IGF1R: variants seen among roughly 807,000 people sequenced by gnomAD.
IGF1R encodes insulin-like growth factor 1 receptor.
In IGF1R, 44 loss-of-function variants were observed where a neutral mutation model predicts 144.6. That is an observed-to-expected ratio of 0.30 (90% CI 0.24 to 0.39). The LOEUF (loss-of-function observed/expected upper bound fraction) is 0.39. IGF1R is among the 10% of genes least tolerant of loss of function. The probability of loss-of-function intolerance (pLI) is 1.00; values close to 1 mark genes in which losing one functional copy is unlikely to be tolerated. For synonymous variants in IGF1R, 795 were observed against 722.8 expected (o/e 1.10, Z -1.60); for missense variants, 1,355 against 1,833.7 (o/e 0.74, Z 4.77).
intron 2 of IGF1R, among the ~76,000 whole-genome samples, chr15:98,862,648 A>G (rs1197549695): frequency 6.6e-6 from 1 of 152,194 alleles, no homozygotes; most frequent in Admixed American, 6.5e-5. Flanking sequence ...AAGGAATGCA[A>G]AGTTAAGTGT....
rs967758699 is a variant in IGF1R, at chr15:98,697,359, G to C, written c.95-10203G>C. ...CTCTTGCCCACTCAATACAGAGGTT[G>C]CATGCGGGCGTCCACCTGCTCCGCC... is the stretch of plus-strand genomic sequence containing the variant. On this transcript the variant is annotated intron_variant, in intron 1 of 20. Transcript: ENST00000650285. Among the ~76,000 whole-genome samples the C allele has an allele frequency of 6.6e-5, 10 of 152,352 alleles. No homozygotes were observed. The East Asian group carries it at 1.4e-3, about 21-fold the overall frequency.
At chr15:98,847,522 C>T (rs2011379328) in intron 2 of IGF1R, among the ~76,000 whole-genome samples, 1 of 152,154 alleles carries the variant, frequency 6.6e-6, no homozygotes, top group Non-Finnish European at 1.5e-5. Context: ...TCCTTGTACC[C>T]ACCACCTAGA....
intron 19 of IGF1R, among the ~76,000 whole-genome samples, chr15:98,945,554 A>T (rs1325688830): frequency 6.6e-6 from 1 of 152,210 alleles, no homozygotes; most frequent in East Asian, 1.9e-4. Flanking sequence ...ATATGAAGTC[A>T]TGAAGAGCCA....
chr15:98,722,526 C>G (rs2054269187), intron 2 of IGF1R, among the ~76,000 whole-genome samples: 1 of 152,160 alleles, frequency 6.6e-6, no homozygotes, highest in Non-Finnish European at 1.5e-5. Flanking sequence ...AGGCCAGTGT[C>G]CCTCTGCCCC....
At chr15:98,690,053 C>T (rs2053437555) in intron 1 of IGF1R, among the ~76,000 whole-genome samples, 1 of 152,134 alleles carries the variant, frequency 6.6e-6, no homozygotes, top group Non-Finnish European at 1.5e-5. Flanking sequence ...GACCTAAAAA[C>T]ATGCTTGGCT....
intron 1 of IGF1R, among the ~76,000 whole-genome samples, chr15:98,699,338 CTA>C (rs538144914): frequency 2.0e-5 from 3 of 152,200 alleles, no homozygotes; most frequent in Non-Finnish European, 2.9e-5. Flanking sequence ...CCGAGGGACT[CTA>C]TCTCCTGGTG....
At chr15:98,890,431 A>G (rs2013849076) in intron 2 of IGF1R, 1 of 152,234 alleles carries the variant, frequency 6.6e-6, no homozygotes, top group Admixed American at 6.5e-5. Flanking sequence ...TGTCATAGCA[A>G]CATCAGGAAG....
At chr15:98,696,104 CTT>C (rs1440231044) in intron 1 of IGF1R, among the ~76,000 whole-genome samples, 2 of 147,032 alleles carry the variant, frequency 1.4e-5, no homozygotes, top group East Asian at 4.0e-4. Flanking sequence ...TCTCCTAAGT[CTT>C]TTTCACACCT....
At position 98,957,337 on chromosome 15, in the gene IGF1R, G is replaced by A. The variant is rs2017038501; in HGVS notation, c.3999G>A (p.Val1333=). Residue 1333 remains valine (V), a synonymous_variant, in exon 21 of 21, where the codon GTG becomes GTA. Transcript: ENST00000650285. ...HKAENGPGPG[V]LVLRASFDER... ...CCGAGAACGGCCCCGGCCCTGGGGT[G>A]CTGGTCCTCCGCGCCAGCTTCGACG... 6.2e-7 allele frequency: 1 copy of A among 1,612,216 alleles called. No homozygotes were observed. The highest frequency in any genetic ancestry group is 1.7e-5 in the Admixed American group (1 of 59,988).
At chr15:98,693,560 G>T (rs1019007056) in intron 1 of IGF1R, among the ~76,000 whole-genome samples, 3 of 152,148 alleles carry the variant, frequency 2.0e-5, no homozygotes, top group African/African-American at 7.2e-5. Context: ...CTTTTGGGTC[G>T]TCTCCACCTC....
chr15:98,653,785 A>G (rs955325542), intron 1 of IGF1R, among the ~76,000 whole-genome samples: 2 of 152,130 alleles, frequency 1.3e-5, no homozygotes, highest in Non-Finnish European at 2.9e-5. Flanking sequence ...TGCCCTTCCT[A>G]TTGTTGCAAG....
At chr15:98,908,935 C>T in intron 6 of IGF1R, 36 bp downstream of exon 6, 1 of 1,577,184 alleles carries the variant, frequency 6.3e-7, no homozygotes, top group Non-Finnish European at 8.7e-7. Flanking sequence ...TGGGCCCAAC[C>T]ATCATGATAA....
rs921176328 is a variant in IGF1R at position 98,958,760 on chromosome 15, C to T, written c.*1318C>T. On this transcript the variant is annotated 3_prime_UTR_variant, in exon 21 of 21. Coordinates refer to ENST00000650285, the MANE Select transcript of IGF1R (RefSeq NM_000875.5). ...CTTTGTGGATTTAATCTATGAAAAC[C>T]TTCAGGTCCACCCTCTCCCCTTTCT... 1 of 232,302 alleles carries T rather than the reference C, an allele frequency of 4.3e-6. No individual in the cohort carries two copies. The highest frequency in any genetic ancestry group is 8.5e-6 in the Non-Finnish European group (1 of 117,404). The allele number at this position is 232,302 out of a possible 1,614,324, so 14.4% of individuals were successfully genotyped here.
rs866616115 is a variant in IGF1R at position 98,959,868 on chromosome 15, A to G, written c.*2426A>G. ...CGTGTTCCCTTTAAAAAAAAAAAAA[A>G]GGTATTATATGTAGGAGTTTTCTTT... On this transcript the variant is annotated 3_prime_UTR_variant, in exon 21 of 21. Transcript: ENST00000650285. 7.3e-3 allele frequency: 1,623 copies of G among 221,220 alleles called. 27 individuals carry two copies. Among genetic ancestry groups the G allele is most frequent in the African/African-American group, 0.035 (1,521 of 42,982 alleles). The allele number at this position is 221,220 out of a possible 1,614,324, so 13.7% of individuals were successfully genotyped here.
intron 2 of IGF1R, among the ~76,000 whole-genome samples, chr15:98,827,606 C>T (rs2056917387): frequency 6.6e-6 from 1 of 152,184 alleles, no homozygotes; most frequent in African/African-American, 2.4e-5. Context: ...TAAATGTGGT[C>T]ATTTAAACTG....
chr15:98,736,613 T>A (rs2054614931), intron 2 of IGF1R, among the ~76,000 whole-genome samples: 1 of 141,304 alleles, frequency 7.1e-6, no homozygotes, highest in Non-Finnish European at 1.5e-5. Flanking sequence ...CTTTTTTCTT[T>A]TTTCTTTTTT....
intron 2 of IGF1R, among the ~76,000 whole-genome samples, chr15:98,747,514 G>C (rs570377326): frequency 6.6e-6 from 1 of 152,280 alleles, no homozygotes; most frequent in South Asian, 2.1e-4. Flanking sequence ...ATAAATCAGG[G>C]TAAGTTATTT....
intron 2 of IGF1R, among the ~76,000 whole-genome samples, chr15:98,835,074 C>A (rs2057069608): frequency 1.2e-5 from 1 of 84,028 alleles, no homozygotes; most frequent in East Asian, 4.4e-4. Context: ...AAGAGAACAC[C>A]CCCCCTACAC....
At chr15:98,671,161 A>G (rs1296716511) in intron 1 of IGF1R, among the ~76,000 whole-genome samples, 1 of 152,202 alleles carries the variant, frequency 6.6e-6, no homozygotes, top group Non-Finnish European at 1.5e-5. Context: ...GTCCCCCTCC[A>G]AATCTGCATG....
Sources: gnomAD v4.1 joint callset for allele counts (sites outside exome capture counted in the v4.1 genomes callset) on GRCh38, gnomAD v4.1.1 for gene constraint, MANE v1.5 for transcripts, NCBI Gene and HGNC (gene_info 2026-07-23, HGNC 2026-07-21) for gene names.